Variants in PDGFRL observed in about 807,000 individuals in gnomAD.
The protein encoded by PDGFRL is platelet-derived growth factor receptor-like protein.
In PDGFRL, 46 loss-of-function variants were observed where a neutral mutation model predicts 37.2. That is an observed-to-expected ratio of 1.24 (90% confidence interval 0.98 to 1.58). The LOEUF (loss-of-function observed/expected upper bound fraction) is 1.58. Among genes scored for constraint, PDGFRL ranks in the 40% most tolerant of loss-of-function variants. The probability of loss-of-function intolerance (pLI) is 0.00; values close to 1 mark genes in which losing one functional copy is unlikely to be tolerated. For synonymous variants in PDGFRL, 251 were observed against 184.3 expected (o/e 1.36, Z -2.93); for missense variants, 692 against 467.6 (o/e 1.48, Z -4.43).
intron 2 of PDGFRL, among the ~76,000 whole-genome samples, chr8:17,619,596 T>G (rs1804592844): frequency 6.6e-6 from 1 of 152,238 alleles, no homozygotes; most frequent in Admixed American, 6.5e-5. Context: ...ATGCGTTTTC[T>G]TCCTAAAAGA....
chr8:17,602,484 A>AT (rs565361929), intron 2 of PDGFRL, among the ~76,000 whole-genome samples: 11 of 151,780 alleles, frequency 7.2e-5, no homozygotes, highest in South Asian at 6.3e-4. Flanking sequence ...TAATCATCGA[A>AT]TTTTTTTTTA....
At chr8:17,615,714 A>G (rs191516962) in intron 2 of PDGFRL, among the ~76,000 whole-genome samples, 4 of 152,236 alleles carry the variant, frequency 2.6e-5, no homozygotes, top group African/African-American at 9.6e-5. Flanking sequence ...CAGGAATTCA[A>G]GACTAGCCTG....
chr8:17,642,846 T>G lies in PDGFRL; in HGVS notation c.*45T>G. On this transcript the variant is annotated 3_prime_UTR_variant, in exon 6 of 6. Coordinates refer to ENST00000251630, the MANE Select transcript of PDGFRL (RefSeq NM_001372073.1). ...TGAACTTATGGAAAGCCCATTTGTG[T>G]ACACAGTCAGCTTTGGGGTTCCTTT... 7.8e-7 allele frequency: 1 copy of G among 1,278,474 alleles called. No homozygotes were observed. The highest frequency in any genetic ancestry group is 1.1e-6 in the Non-Finnish European group (1 of 884,474). 79.2% of individuals were successfully genotyped at this position (1,278,474 alleles called of 1,614,324 possible). A position where few individuals can be genotyped will look rare whatever the true frequency, so the allele number is the denominator to read the frequency against.
intron 2 of PDGFRL, 43 bp downstream of exon 2, chr8:17,589,808 A>C: frequency 8.6e-7 from 1 of 1,158,708 alleles, no homozygotes; most frequent in South Asian, 1.4e-5. Flanking sequence ...GAGGATTTGT[A>C]ATAGTTAACA....
intron 3 of PDGFRL, among the ~76,000 whole-genome samples, chr8:17,626,589 A>G (rs11990895): frequency 0.17 from 26,449 of 152,152 alleles, 3,706 homozygotes; most frequent in African/African-American, 0.38. Flanking sequence ...AAGAAAAATT[A>G]TTTATTTCAG....
At position 17,621,126 on chromosome 8, in the gene PDGFRL, C is replaced by T. The variant is rs1310483128; in HGVS notation, c.429C>T (p.Cys143=). Reference sequence around the variant, plus strand: ...CGGCAGACACAGGTGAATTCAGCTGCTGGGTGCAGCTCTGCAGCGGCTACA... The same window carrying T: ...CGGCAGACACAGGTGAATTCAGCTGTTGGGTGCAGCTCTGCAGCGGCTACA... ...STSADTGEFS[C]WVQLCSGYIC... The change falls in exon 3 of 6, where the codon TGC becomes TGT. Residue 143 remains cysteine, a synonymous_variant. Coordinates refer to ENST00000251630, the MANE Select transcript of PDGFRL (RefSeq NM_001372073.1). 1.9e-6 allele frequency: 3 copies of T among 1,612,126 alleles called. No individual in the cohort carries two copies. Among genetic ancestry groups the T allele is most frequent in the Non-Finnish European group, 2.5e-6 (3 of 1,178,648 alleles).
intron 5 of PDGFRL, among the ~76,000 whole-genome samples, chr8:17,637,240 C>T (rs1458354207): frequency 6.6e-6 from 1 of 151,892 alleles, no homozygotes; most frequent in Non-Finnish European, 1.5e-5. Flanking sequence ...GTTTTCATTA[C>T]CTTAAGGTAT....
At chr8:17,635,651 T>C (rs1486579533) in intron 5 of PDGFRL, among the ~76,000 whole-genome samples, 1 of 152,236 alleles carries the variant, frequency 6.6e-6, no homozygotes, top group East Asian at 1.9e-4. Flanking sequence ...AGTAATGGGA[T>C]TGCTGGATCA....
chr8:17,591,074 G>A (rs966877091), intron 2 of PDGFRL, among the ~76,000 whole-genome samples: 6 of 151,992 alleles, frequency 3.9e-5, no homozygotes, highest in Non-Finnish European at 7.4e-5. Flanking sequence ...AGTAGAGACA[G>A]AGTTTCACTA....
chr8:17,612,761 G>GA (rs1804447576), intron 2 of PDGFRL, among the ~76,000 whole-genome samples: 1 of 152,070 alleles, frequency 6.6e-6, no homozygotes, highest in South Asian at 2.1e-4. Flanking sequence ...AAAGATCACT[G>GA]AAAACCCCAA....
At chr8:17,603,307 A>C (rs1804205147) in intron 2 of PDGFRL, among the ~76,000 whole-genome samples, 1 of 152,194 alleles carries the variant, frequency 6.6e-6, no homozygotes, top group Non-Finnish European at 1.5e-5. Context: ...ATTTTTTAAA[A>C]AGGGAGCAGA....
intron 1 of PDGFRL, among the ~76,000 whole-genome samples, chr8:17,582,328 G>A (rs956867879): frequency 2.8e-4 from 42 of 152,214 alleles, no homozygotes; most frequent in African/African-American, 9.9e-4. Flanking sequence ...GGTGGCTCAC[G>A]CCTGTAATCC....
At chr8:17,613,292 C>G (rs570749125) in intron 2 of PDGFRL, among the ~76,000 whole-genome samples, 3 of 152,092 alleles carry the variant, frequency 2.0e-5, no homozygotes, top group Non-Finnish European at 2.9e-5. Context: ...AGGGGATATA[C>G]GCTTCTCATT....
At chr8:17,616,723 G>T (rs1804537626) in intron 2 of PDGFRL, among the ~76,000 whole-genome samples, 1 of 152,152 alleles carries the variant, frequency 6.6e-6, no homozygotes, top group South Asian at 2.1e-4. Context: ...GGCATGTTGT[G>T]TAGGAGAACT....
intron 1 of PDGFRL, among the ~76,000 whole-genome samples, chr8:17,584,299 G>A (rs1474338663): frequency 6.6e-6 from 1 of 152,172 alleles, no homozygotes; most frequent in African/African-American, 2.4e-5. Flanking sequence ...CTAAATTTGA[G>A]ATGCTAAATT....
At chr8:17,626,126 C>G (rs373986017) in intron 3 of PDGFRL, among the ~76,000 whole-genome samples, 1 of 152,256 alleles carries the variant, frequency 6.6e-6, no homozygotes, top group Non-Finnish European at 1.5e-5. Context: ...CTAAATCTTG[C>G]AATCATAAAA....
At chr8:17,582,384 C>T (rs549555106) in intron 1 of PDGFRL, among the ~76,000 whole-genome samples, 26 of 152,130 alleles carry the variant, frequency 1.7e-4, no homozygotes, top group African/African-American at 6.0e-4. Context: ...GAGATCGAGA[C>T]CAGCCTGGGC....
chr8:17,606,799 C>G (rs1053818783), intron 2 of PDGFRL, among the ~76,000 whole-genome samples: 4 of 152,058 alleles, frequency 2.6e-5, no homozygotes, highest in African/African-American at 7.2e-5. Flanking sequence ...ACATAGTAAG[C>G]CACCTAAATA....
chr8:17,611,466 A>T (rs1406471190), intron 2 of PDGFRL, among the ~76,000 whole-genome samples: 2 of 152,156 alleles, frequency 1.3e-5, no homozygotes, highest in Non-Finnish European at 2.9e-5. Context: ...CCCTTTTACA[A>T]AGGCCACTGG....
Sources: allele counts gnomAD v4.1 joint callset (sites outside exome capture counted in the v4.1 genomes callset), GRCh38; gene constraint gnomAD v4.1.1; transcripts MANE v1.5; gene names NCBI Gene and HGNC (gene_info 2026-07-23, HGNC 2026-07-21).